The following SLC6A5 variants were observed in gnomAD, a reference collection of about 807,000 sequenced individuals.
The protein encoded by SLC6A5 is solute carrier family 6 member 5.
Under a neutral mutation model 90.5 loss-of-function variants are expected in SLC6A5, and 58 were observed. That is an observed-to-expected ratio of 0.64 (90% CI 0.52 to 0.80). The LOEUF is 0.80. Ranked by LOEUF, SLC6A5 falls within the 30% of genes least tolerant of loss-of-function variation. The pLI, the probability that SLC6A5 is intolerant of heterozygous loss-of-function variation, is 0.00. For synonymous variants in SLC6A5, 427 were observed against 401.4 expected (o/e 1.06, Z -0.76); for missense variants, 1,015 against 1,017.6 (o/e 1.00, Z 0.03).
At chr11:20,625,988 C>G (rs1353268969) in intron 7 of SLC6A5, among the ~76,000 whole-genome samples, 5 of 152,174 alleles carry the variant, frequency 3.3e-5, no homozygotes. Context: ...GCATAGTGCC[C>G]AGCTCATAGG....
At chr11:20,644,977 GATTTTT>G (rs1853383927) in intron 13 of SLC6A5, among the ~76,000 whole-genome samples, 1 of 151,548 alleles carries the variant, frequency 6.6e-6, no homozygotes. Context: ...ATGCCCGGCT[GATTTTT>G]TGTATTTTTG....
intron 12 of SLC6A5, 108 bp from the exon 13 acceptor site, chr11:20,638,351 G>A: frequency 1.3e-6 from 1 of 763,968 alleles, no homozygotes. Flanking sequence ...ATGGACTCCT[G>A]TTTGCACCTG....
At chr11:20,650,223 G>T (rs1002239101) in intron 14 of SLC6A5, among the ~76,000 whole-genome samples, 8 of 152,202 alleles carry the variant, frequency 5.3e-5, no homozygotes, top group African/African-American at 1.7e-4. Context: ...TACAGGCAGG[G>T]TGAATACAGG....
At position 20,658,918 on chromosome 11, in the gene SLC6A5, C is replaced by T. The variant is rs1399922860; in HGVS notation, c.*4050C>T. The T allele has an allele frequency of 6.6e-6, 1 of 152,054 alleles. No homozygotes were observed. Among genetic ancestry groups the T allele is most frequent in the African/African-American group, 2.4e-5 (1 of 41,406 alleles). 9.4% of individuals were successfully genotyped at this position (152,054 alleles called of 1,614,324 possible). On this transcript the variant is annotated 3_prime_UTR_variant, in exon 16 of 16. Transcript: ENST00000525748. ...AATAGGTTAATTCTTACATTGTGTA[C>T]TTGGCTAATGTCCTAAATGCAGGCA... is the stretch of plus-strand genomic sequence containing the variant.
At chr11:20,649,923 T>C (rs1437706126) in intron 14 of SLC6A5, among the ~76,000 whole-genome samples, 1 of 152,252 alleles carries the variant, frequency 6.6e-6, no homozygotes, top group African/African-American at 2.4e-5. Flanking sequence ...TAGAAGACTT[T>C]TTTCCAACAG....
chr11:20,657,898 A>G lies in SLC6A5; in HGVS notation c.*3030A>G, dbSNP rs978393791. The G allele has an allele frequency of 3.9e-5, 6 of 152,256 alleles. No homozygotes were observed. Among genetic ancestry groups the G allele is most frequent in the Admixed American group, 3.9e-4 (6 of 15,286 alleles). The allele number at this position is 152,256 out of a possible 1,614,324, so 9.4% of individuals were successfully genotyped here. ...CTTTAGGACTGTGCTTATCAGGTAC[A>G]AATGTGTCTAGTTCTGTTTTATTGT... On this transcript the variant is annotated 3_prime_UTR_variant, in exon 16 of 16. Transcript: ENST00000525748.
chr11:20,658,882 A>G lies in SLC6A5; in HGVS notation c.*4014A>G, dbSNP rs1853667952. 6.6e-6 allele frequency: 1 copy of G among 152,110 alleles called. No homozygotes were observed. The highest frequency in any genetic ancestry group is 2.1e-4 in the South Asian group (1 of 4,824). 9.4% of individuals were successfully genotyped at this position (152,110 alleles called of 1,614,324 possible). ...TTGTGGTTTTTGCACTTTATTATGG[A>G]CCTGTAAAGGAATAGGTTAATTCTT... is the stretch of plus-strand genomic sequence containing the variant. On this transcript the variant is annotated 3_prime_UTR_variant, in exon 16 of 16. Coordinates refer to ENST00000525748, the MANE Select transcript of SLC6A5 (RefSeq NM_004211.5).
chr11:20,642,218 A>G (rs1169723919), intron 13 of SLC6A5, among the ~76,000 whole-genome samples: 1 of 141,500 alleles, frequency 7.1e-6, no homozygotes, highest in Admixed American at 7.0e-5. Context: ...GTGTGCTCAG[A>G]GAGGAACCAC....
chr11:20,631,316 G>T (rs765619426), intron 10 of SLC6A5, among the ~76,000 whole-genome samples: 1 of 152,182 alleles, frequency 6.6e-6, no homozygotes, highest in Non-Finnish European at 1.5e-5. Flanking sequence ...AGGGCCTTCT[G>T]CTTAGTTAGC....
chr11:20,601,355 T>G lies in SLC6A5; in HGVS notation c.230T>G (p.Val77Gly). The G allele has an allele frequency of 6.2e-7, 1 of 1,600,502 alleles. No individual in the cohort carries two copies. The highest frequency in any genetic ancestry group is 8.5e-7 in the Non-Finnish European group (1 of 1,175,766). Reference sequence around the variant, plus strand: ...GCCTGCGAGGCTGAGCGGCCAGGAGTGGGGTCTTGCAAACTCAGTAGCCCG... The same window carrying G: ...GCCTGCGAGGCTGAGCGGCCAGGAGGGGGGTCTTGCAAACTCAGTAGCCCG... ...ARACEAERPG[V>G]GSCKLSSPRA... Residue 77 changes from valine (V) to glycine (G), a missense_variant, in exon 2 of 16, where the codon GTG becomes GGG. By Grantham distance (109) the Val-to-Gly change is moderately radical. Coordinates refer to ENST00000525748, the MANE Select transcript of SLC6A5 (RefSeq NM_004211.5).
intron 1 of SLC6A5, among the ~76,000 whole-genome samples, 172 bp from the exon 2 acceptor site, chr11:20,600,957 G>C (rs1852459042): frequency 6.6e-6 from 1 of 152,098 alleles, no homozygotes; most frequent in Admixed American, 6.5e-5. Flanking sequence ...GATGAAACGG[G>C]CAAATTGAGA....
chr11:20,617,221 T>G (rs1457334181), intron 6 of SLC6A5, among the ~76,000 whole-genome samples: 3 of 152,236 alleles, frequency 2.0e-5, no homozygotes, highest in African/African-American at 7.2e-5. Context: ...CTTTTATAAT[T>G]AAGCCAACCT....
At chr11:20,647,348 TTA>T (rs560488446) in intron 14 of SLC6A5, among the ~76,000 whole-genome samples, 1 of 71,024 alleles carries the variant, frequency 1.4e-5, no homozygotes. Context: ...TATATTCCTA[TTA>T]TATAGTTATA....
At chr11:20,654,554 C>T (rs528451340) in intron 15 of SLC6A5, among the ~76,000 whole-genome samples, 159 bp from the exon 16 acceptor site, 4 of 137,724 alleles carry the variant, frequency 2.9e-5, no homozygotes, top group African/African-American at 1.1e-4. Flanking sequence ...AATTAATGAA[C>T]GCTTATCTTC....
chr11:20,636,210 A>G, intron 10 of SLC6A5, 97 bp from the exon 11 acceptor site: 1 of 762,714 alleles, frequency 1.3e-6, no homozygotes, highest in Non-Finnish European at 2.4e-6. Flanking sequence ...ATAAGAAGTA[A>G]TAAATGAGGA....
At position 20,614,806 on chromosome 11, in the gene SLC6A5, TG is replaced by T; in HGVS notation, c.1114del (p.Glu372LysfsTer9). ...CCAATAAGACATTTGTCAGTGGAAG[TG>T]AAGAGTACTTCAAGTAAGATGACTT... ...QANKTFVSGSEEYFKYFVLKI... is the reference protein window; with the variant it reads ...QANKTFVSGSXEYFKYFVLKI... On this transcript the variant is annotated frameshift_variant, in exon 6 of 16. Transcript: ENST00000525748. LOFTEE classifies it high-confidence loss of function. 1 of 1,613,710 alleles carries T rather than the reference TG, an allele frequency of 6.2e-7. No homozygotes were observed. The highest frequency in any genetic ancestry group is 8.5e-7 in the Non-Finnish European group (1 of 1,179,550).
Position 20,652,288 on chromosome 11 carries a change from G to A in SLC6A5, c.2071-1G>A, listed in dbSNP as rs1411691451. ...CACGTGTGTCACTTTTCTCTTTCCA[G>A]TTTATCCTTTGCTTCAGCTTTTACC... On this transcript the variant is annotated splice_acceptor_variant, in intron 14 of 15. Transcript: ENST00000525748. LOFTEE classifies it high-confidence loss of function. The A allele has an allele frequency of 6.2e-6, 10 of 1,613,954 alleles. No individual in the cohort carries two copies. Among genetic ancestry groups the A allele is most frequent in the African/African-American group, 2.7e-5 (2 of 74,896 alleles).
chr11:20,601,679 A>C lies in SLC6A5; in HGVS notation c.540+14A>C, dbSNP rs2133768675. 1 of 1,611,528 alleles carries C rather than the reference A, an allele frequency of 6.2e-7. No homozygotes were observed. Among genetic ancestry groups the C allele is most frequent in the Non-Finnish European group, 8.5e-7 (1 of 1,179,584 alleles). On this transcript the variant is annotated intron_variant, in intron 2 of 15. Coordinates refer to ENST00000525748, the MANE Select transcript of SLC6A5 (RefSeq NM_004211.5). ...GTTGCCACCCAGGTAAGCAGGTTGCATTACGGCCCGCACAGTGTCCTGCTC... is the reference window on the plus strand; with the variant it reads ...GTTGCCACCCAGGTAAGCAGGTTGCCTTACGGCCCGCACAGTGTCCTGCTC...
chr11:20,652,704 G>A (rs1386147473), intron 15 of SLC6A5, among the ~76,000 whole-genome samples: 2 of 152,146 alleles, frequency 1.3e-5, no homozygotes, highest in Admixed American at 1.3e-4. Flanking sequence ...CAGCTCTGGG[G>A]AATAAATGAT....
Sources: allele counts gnomAD v4.1 joint callset (sites outside exome capture counted in the v4.1 genomes callset), GRCh38; gene constraint gnomAD v4.1.1; transcripts MANE v1.5; gene names NCBI Gene and HGNC (gene_info 2026-07-23, HGNC 2026-07-21).